Variants in BABAM2 observed in about 807,000 individuals in gnomAD.
The protein encoded by BABAM2 is BRISC and BRCA1-A complex member 2.
In BABAM2, 31 loss-of-function variants were observed where a neutral mutation model predicts 54.7. That is an observed-to-expected ratio of 0.57 (90% confidence interval 0.43 to 0.77). BABAM2 has a LOEUF of 0.77. BABAM2 is among the 30% of genes least tolerant of loss of function. BABAM2 has a pLI of 0.00. For missense variants in BABAM2, 364 were observed against 455.8 expected, an observed-to-expected ratio of 0.80 and a Z score of 1.83; for synonymous variants, 167 against 162.9, an observed-to-expected ratio of 1.03 and a Z score of -0.19.
At chr2:28,029,630 T>G (rs546216247) in intron 5 of BABAM2, among the ~76,000 whole-genome samples, 4 of 152,334 alleles carry the variant, frequency 2.6e-5, no homozygotes, top group Admixed American at 6.5e-5. Flanking sequence ...CTTCTACCTC[T>G]TGGCTATTGT....
intron 11 of BABAM2, among the ~76,000 whole-genome samples, chr2:28,306,499 G>T (rs1000807854): frequency 1.3e-5 from 2 of 151,968 alleles, no homozygotes; most frequent in African/African-American, 2.4e-5. Context: ...TCTTTGACTT[G>T]AAATCTGCTC....
At chr2:27,985,809 C>T (rs979411676) in intron 3 of BABAM2, among the ~76,000 whole-genome samples, 1 of 152,070 alleles carries the variant, frequency 6.6e-6, no homozygotes, top group African/African-American at 2.4e-5. Context: ...ATTGACACAG[C>T]GTGTCACAGT....
At chr2:27,939,142 A>G (rs969911284) in intron 3 of BABAM2, among the ~76,000 whole-genome samples, 19 of 152,044 alleles carry the variant, frequency 1.2e-4, no homozygotes, top group Non-Finnish European at 2.5e-4. Flanking sequence ...TAGTAGAGAC[A>G]GGGTTTCACC....
intron 7 of BABAM2, among the ~76,000 whole-genome samples, chr2:28,166,734 G>A (rs1673720334): frequency 6.6e-6 from 1 of 152,188 alleles, no homozygotes; most frequent in Non-Finnish European, 1.5e-5. Context: ...TTTGATCCCA[G>A]TGATAAGTAA....
chr2:28,211,148 A>T (rs936676855), intron 7 of BABAM2, among the ~76,000 whole-genome samples: 6 of 152,172 alleles, frequency 3.9e-5, no homozygotes, highest in African/African-American at 1.4e-4. Context: ...TGTCATCCTG[A>T]TTTCGCATTG....
intron 7 of BABAM2, among the ~76,000 whole-genome samples, chr2:28,133,883 T>C (rs777631370): frequency 1.6e-4 from 25 of 152,206 alleles, no homozygotes; most frequent in Non-Finnish European, 3.2e-4. Context: ...AGCTCTGAAA[T>C]GTGATCCCAC....
chr2:28,024,220 C>G (rs531303384), intron 4 of BABAM2, among the ~76,000 whole-genome samples: 10 of 151,898 alleles, frequency 6.6e-5, no homozygotes, highest in Non-Finnish European at 4.4e-5. Context: ...CTGGCTAACA[C>G]GGTGAAACCC....
chr2:28,337,281 C>T (rs985369576), intron 11 of BABAM2, among the ~76,000 whole-genome samples: 3 of 152,140 alleles, frequency 2.0e-5, no homozygotes, highest in Non-Finnish European at 2.9e-5. Context: ...TCTCAGCTGA[C>T]AGCAAGCTGC....
chr2:28,098,546 T>C (rs1352297637), intron 6 of BABAM2, among the ~76,000 whole-genome samples: 1 of 152,228 alleles, frequency 6.6e-6, no homozygotes. Context: ...TTTTAATTCT[T>C]GTTCCTCTCC....
intron 7 of BABAM2, among the ~76,000 whole-genome samples, chr2:28,195,953 C>CA (rs1677487297): frequency 2.6e-5 from 4 of 152,232 alleles, no homozygotes; most frequent in Admixed American, 2.6e-4. Flanking sequence ...GGTATGCTGT[C>CA]ACTGCCATAA....
chr2:28,184,285 T>TCTCTCC lies in BABAM2; in HGVS notation c.681-52916_681-52915insTCTCCC, dbSNP rs140329617. ...CTCCCTCTCTCTCTCTCTCTCTCTC[T>TCTCTCC]CCCCCCCTCCCTCTCTCCCTCTCTC... On this transcript the variant is annotated intron_variant, in intron 7 of 11. Coordinates refer to ENST00000379624, the MANE Select transcript of BABAM2 (RefSeq NM_199191.3). Among the ~76,000 whole-genome samples, 58 of 102,178 alleles carry TCTCTCC rather than the reference T, an allele frequency of 5.7e-4. 1 individual carries two copies. Among genetic ancestry groups the TCTCTCC allele is most frequent in the East Asian group, 3.9e-3 (11 of 2,852 alleles). 67.0% of individuals were successfully genotyped at this position (102,178 alleles called of 152,430 possible).
chr2:28,036,807 C>T (rs1202358418), intron 5 of BABAM2, among the ~76,000 whole-genome samples: 1 of 152,086 alleles, frequency 6.6e-6, no homozygotes, highest in Non-Finnish European at 1.5e-5. Context: ...CTGAGTGTCC[C>T]GATTAAATTA....
chr2:28,112,155 C>CT lies in BABAM2; in HGVS notation c.571-17115dup, dbSNP rs1668141110. On this transcript the variant is annotated intron_variant, in intron 6 of 11. Coordinates refer to ENST00000379624, the MANE Select transcript of BABAM2 (RefSeq NM_199191.3). ...TTTCTTTCTTTCTTTCTTTACCTCC[C>CT]TCCCTCCCTCCCTCCCTCCCTCCCT... Among the ~76,000 whole-genome samples the CT allele has an allele frequency of 1.8e-4, 3 of 16,564 alleles. 1 individual carries two copies. Among genetic ancestry groups the CT allele is most frequent in the Non-Finnish European group, 3.7e-4 (3 of 8,040 alleles). 10.9% of individuals were successfully genotyped at this position (16,564 alleles called of 152,430 possible).
intron 4 of BABAM2, among the ~76,000 whole-genome samples, chr2:27,988,626 T>C (rs1393634881): frequency 6.6e-6 from 1 of 152,206 alleles, no homozygotes; most frequent in Admixed American, 6.5e-5. Flanking sequence ...ATAAAATGTT[T>C]CTGGAATTAA....
At chr2:28,258,615 C>CTTTTTTTTTTTTTTTTTTTTTT (rs70956008) in intron 10 of BABAM2, among the ~76,000 whole-genome samples, 4 of 100,044 alleles carry the variant, frequency 4.0e-5, no homozygotes, top group African/African-American at 1.1e-4. Flanking sequence ...TTTTTCTTTT[C>CTTTTTTTTTTTTTTTTTTTTTT]TTTTTTTTTT....
At chr2:28,105,259 C>A (rs900467457) in intron 6 of BABAM2, among the ~76,000 whole-genome samples, 1 of 152,018 alleles carries the variant, frequency 6.6e-6, no homozygotes, top group Non-Finnish European at 1.5e-5. Context: ...AGCATCTCTT[C>A]AATGAGGAAA....
intron 6 of BABAM2, 57 bp downstream of exon 6, chr2:28,045,856 T>A: frequency 1.5e-6 from 2 of 1,326,562 alleles, no homozygotes; most frequent in South Asian, 1.4e-5. Context: ...AGTAATTATT[T>A]AACTCAATAT....
At chr2:28,327,333 T>C in intron 11 of BABAM2, 1 of 1,613,842 alleles carries the variant, frequency 6.2e-7, no homozygotes, top group Non-Finnish European at 8.5e-7. Context: ...GCCTTTGCAG[T>C]TGCAAAAACT....
At chr2:27,960,119 A>G (rs1433584387) in intron 3 of BABAM2, among the ~76,000 whole-genome samples, 2 of 151,900 alleles carry the variant, frequency 1.3e-5, no homozygotes, top group Non-Finnish European at 2.9e-5. Flanking sequence ...TCGTGTGTGA[A>G]CTCAAAGGAT....
Sources: allele counts gnomAD v4.1 joint callset (sites outside exome capture counted in the v4.1 genomes callset), GRCh38; gene constraint gnomAD v4.1.1; transcripts MANE v1.5; gene names NCBI Gene and HGNC (gene_info 2026-07-23, HGNC 2026-07-21).